ABHD13: variants seen among roughly 807,000 people sequenced by gnomAD.
ABHD13 encodes the protein protein ABHD13.
ABHD13 carries 7 observed loss-of-function variants against 25.2 expected under a neutral mutation model. That is an observed-to-expected ratio of 0.28 (90% CI 0.16 to 0.52). ABHD13 has a LOEUF of 0.52. Ranked by LOEUF, ABHD13 falls within the 20% of genes least tolerant of loss-of-function variation. The pLI is 0.96. For missense variants in ABHD13, 302 were observed against 402.7 expected, an observed-to-expected ratio of 0.75 and a Z score of 2.14; for synonymous variants, 133 against 136.1, an observed-to-expected ratio of 0.98 and a Z score of 0.16.
chr13:108,225,128 G>C (rs539100419), intron 1 of ABHD13, among the ~76,000 whole-genome samples: 17 of 151,954 alleles, frequency 1.1e-4, no homozygotes, highest in African/African-American at 3.9e-4. Flanking sequence ...ACATATCCTG[G>C]GTTTTTAAAA....
rs898902946 is a variant in ABHD13 at position 108,229,026 on chromosome 13, T to A, written c.-20-173T>A. Among the ~76,000 whole-genome samples the A allele has an allele frequency of 6.6e-6, 1 of 152,038 alleles. No individual in the cohort carries two copies. The highest frequency in any genetic ancestry group is 1.5e-5 in the Non-Finnish European group (1 of 67,938). ...TGGAGGGATATGGTAGAAAGGAAAC[T>A]GTTGAGAACAGAAAGGACAAGGGAA... On this transcript the variant is annotated intron_variant, in intron 1 of 1. Coordinates refer to ENST00000375898, the MANE Select transcript of ABHD13 (RefSeq NM_032859.3). This position sits in a 1 kb window ranked among gnomAD's most constrained non-coding sequence, Gnocchi z 4.7.
intron 1 of ABHD13, among the ~76,000 whole-genome samples, chr13:108,228,148 A>C (rs571583021): frequency 6.6e-6 from 1 of 152,120 alleles, no homozygotes; most frequent in South Asian, 2.1e-4. Context: ...TTGCCTTTTT[A>C]AGACAACATG....
rs1490121395 is a variant in ABHD13, at chr13:108,231,067, G to A, written c.*835G>A. 6.0e-6 allele frequency: 1 copy of A among 166,654 alleles called. No homozygotes were observed. The highest frequency in any genetic ancestry group is 1.5e-5 in the Non-Finnish European group (1 of 67,944). 10.3% of individuals were successfully genotyped at this position (166,654 alleles called of 1,614,324 possible). A position where few individuals can be genotyped will look rare whatever the true frequency, so the allele number is the denominator to read the frequency against. ...ATTTTAGCTTCTATCGATTTTGTAA[G>A]TCTTCAGCTGAACCACTAATAGCAG... On this transcript the variant is annotated 3_prime_UTR_variant, in exon 2 of 2. Transcript: ENST00000375898.
rs2139015409 is a variant in ABHD13, at chr13:108,230,626, A to C, written c.*394A>C. ...AGTAAATATTGGGACAATCATGGTA[A>C]GCAAACTTAGTTCTGTAACTGCATT... On this transcript the variant is annotated 3_prime_UTR_variant, in exon 2 of 2. Transcript: ENST00000375898. 5.8e-6 allele frequency: 1 copy of C among 172,910 alleles called. No homozygotes were observed. Among genetic ancestry groups the C allele is most frequent in the Middle Eastern group, 3.3e-3 (1 of 300 alleles). The allele number at this position is 172,910 out of a possible 1,614,324, so 10.7% of individuals were successfully genotyped here.
At chr13:108,228,389 A>G (rs1879717479) in intron 1 of ABHD13, among the ~76,000 whole-genome samples, 2 of 151,978 alleles carry the variant, frequency 1.3e-5, no homozygotes, top group Admixed American at 6.6e-5. Context: ...GTGAAACTTC[A>G]TTAAAGAGTA....
chr13:108,224,983 C>T (rs1008051589), intron 1 of ABHD13, among the ~76,000 whole-genome samples: 1 of 152,102 alleles, frequency 6.6e-6, no homozygotes, highest in Non-Finnish European at 1.5e-5. Context: ...TTGAGACACA[C>T]TCACTAATAT....
At chr13:108,219,265 G>A (rs1165999127) in intron 1 of ABHD13, among the ~76,000 whole-genome samples, 1 of 152,112 alleles carries the variant, frequency 6.6e-6, no homozygotes, top group African/African-American at 2.4e-5. Flanking sequence ...AGTCAATTTT[G>A]CTGTAGATTT....
At chr13:108,226,357 G>A (rs1303157294) in intron 1 of ABHD13, among the ~76,000 whole-genome samples, 3 of 152,094 alleles carry the variant, frequency 2.0e-5, no homozygotes, top group African/African-American at 7.2e-5. Context: ...ATTACAGGTC[G>A]TATTCAATTC....
At chr13:108,226,855 A>G (rs1879685014) in intron 1 of ABHD13, among the ~76,000 whole-genome samples, 1 of 152,164 alleles carries the variant, frequency 6.6e-6, no homozygotes, top group Non-Finnish European at 1.5e-5. Context: ...TATATATCAT[A>G]CAGACTAGGG....
In ABHD13 at chr13:108,233,260, T is replaced by G. The variant is rs1331782486; in HGVS notation, c.*3028T>G. ...CTGATGCTTATATATTAATTTCTTA[T>G]GTTTGTAAGTTTGGCTTTGTGGGAA... On this transcript the variant is annotated 3_prime_UTR_variant, in exon 2 of 2. Transcript: ENST00000375898. The G allele has an allele frequency of 6.0e-6, 1 of 166,952 alleles. No individual in the cohort carries two copies. The highest frequency in any genetic ancestry group is 1.9e-4 in the East Asian group (1 of 5,184). The allele number at this position is 166,952 out of a possible 1,614,324, so 10.3% of individuals were successfully genotyped here.
rs1879765821 is a variant in ABHD13 at position 108,230,044 on chromosome 13, A to T, written c.826A>T (p.Met276Leu). The change falls in exon 2 of 2, where the codon ATG becomes TTG. Residue 276 changes from methionine (M) to leucine (L), a missense_variant. Coordinates refer to ENST00000375898, the MANE Select transcript of ABHD13 (RefSeq NM_032859.3). ...LSDQLIPPVM[M>L]KQLYELSPSR... ...AGATCAATTAATTCCACCAGTAATG[A>T]TGAAACAACTTTATGAACTCTCCCC... 6.2e-7 allele frequency: 1 copy of T among 1,613,202 alleles called. No individual in the cohort carries two copies. Among genetic ancestry groups the T allele is most frequent in the Non-Finnish European group, 8.5e-7 (1 of 1,179,396 alleles).
In ABHD13 at chr13:108,233,502, A is replaced by G. The variant is rs1879853401; in HGVS notation, c.*3270A>G. 6.0e-6 allele frequency: 1 copy of G among 166,562 alleles called. No individual in the cohort carries two copies. Among genetic ancestry groups the G allele is most frequent in the South Asian group, 2.1e-4 (1 of 4,822 alleles). 10.3% of individuals were successfully genotyped at this position (166,562 alleles called of 1,614,324 possible). A position where few individuals can be genotyped will look rare whatever the true frequency, so the allele number is the denominator to read the frequency against. On this transcript the variant is annotated 3_prime_UTR_variant, in exon 2 of 2. Coordinates refer to ENST00000375898, the MANE Select transcript of ABHD13 (RefSeq NM_032859.3). Reference sequence around the variant, plus strand: ...ACTCTTCCACTCATTCTTCTTTCCCATTTTCCTATTATGTTTGATAATTAT... The same window carrying G: ...ACTCTTCCACTCATTCTTCTTTCCCGTTTTCCTATTATGTTTGATAATTAT...
At chr13:108,225,611 G>A (rs1313399223) in intron 1 of ABHD13, among the ~76,000 whole-genome samples, 2 of 152,162 alleles carry the variant, frequency 1.3e-5, no homozygotes, top group Non-Finnish European at 2.9e-5. Context: ...TTCTCAGATA[G>A]TAAATGGTTA....
At position 108,233,259 on chromosome 13, in the gene ABHD13, A is replaced by T. The variant is rs1879846494; in HGVS notation, c.*3027A>T. 1 of 166,716 alleles carries T rather than the reference A, an allele frequency of 6.0e-6. No homozygotes were observed. The highest frequency in any genetic ancestry group is 2.1e-4 in the South Asian group (1 of 4,820). The allele number at this position is 166,716 out of a possible 1,614,324, so 10.3% of individuals were successfully genotyped here. A position where few individuals can be genotyped will look rare whatever the true frequency, so the allele number is the denominator to read the frequency against. ...TCTGATGCTTATATATTAATTTCTT[A>T]TGTTTGTAAGTTTGGCTTTGTGGGA... On this transcript the variant is annotated 3_prime_UTR_variant, in exon 2 of 2. Transcript: ENST00000375898.
chr13:108,225,948 A>G (rs906241621), intron 1 of ABHD13, among the ~76,000 whole-genome samples: 5 of 152,150 alleles, frequency 3.3e-5, no homozygotes, highest in African/African-American at 1.2e-4. Flanking sequence ...CCAAGATGTT[A>G]TCAGCAAATG....
chr13:108,229,335 G>A lies in ABHD13; in HGVS notation c.117G>A (p.Leu39=), dbSNP rs773453015. ...SLLPLIVTFH[L]YGGIILLLLI... is the part of the protein sequence containing the mutation. ...TACCTTTAATAGTGACTTTTCATCT[G>A]TATGGAGGCATTATCTTACTTTTGT... Residue 39 remains leucine, a synonymous_variant, in exon 2 of 2, where the codon CTG becomes CTA. Coordinates refer to ENST00000375898, the MANE Select transcript of ABHD13 (RefSeq NM_032859.3). This position sits in a 1 kb window ranked among gnomAD's most constrained non-coding sequence, Gnocchi z 4.7. 1.9e-6 allele frequency: 3 copies of A among 1,612,848 alleles called. No individual in the cohort carries two copies. Among genetic ancestry groups the A allele is most frequent in the South Asian group, 2.2e-5 (2 of 90,984 alleles).
intron 1 of ABHD13, among the ~76,000 whole-genome samples, chr13:108,224,961 G>A (rs539282896): frequency 1.8e-3 from 281 of 152,246 alleles, no homozygotes; most frequent in Non-Finnish European, 3.6e-3. Flanking sequence ...TATGCTTTCA[G>A]TAGATTATTT....
chr13:108,224,803 C>T (rs1044414671), intron 1 of ABHD13, among the ~76,000 whole-genome samples: 17 of 152,172 alleles, frequency 1.1e-4, no homozygotes, highest in African/African-American at 4.1e-4. Context: ...GACCATAAAT[C>T]CTCAAGATGA....
At chr13:108,218,885 G>A (rs1046748623) in intron 1 of ABHD13, among the ~76,000 whole-genome samples, 6 of 151,986 alleles carry the variant, frequency 3.9e-5, no homozygotes, top group Non-Finnish European at 7.4e-5. Context: ...CGGCCGCCCC[G>A]ACTCCGCTCA....
Sources: gnomAD v4.1 joint callset for allele counts (sites outside exome capture counted in the v4.1 genomes callset) on GRCh38, gnomAD v4.1.1 for gene constraint, Gnocchi (gnomAD v3.1) non-coding constraint, MANE v1.5 for transcripts, NCBI Gene and HGNC (gene_info 2026-07-23, HGNC 2026-07-21) for gene names.